ADGRF5: variants seen among roughly 807,000 people sequenced by gnomAD.
ADGRF5 encodes G-protein coupled receptor 116.
In ADGRF5, 75 loss-of-function variants were observed where a neutral mutation model predicts 132.3. The observed-to-expected ratio is 0.57, with a 90% CI of 0.47 to 0.69. The LOEUF (loss-of-function observed/expected upper bound fraction) is 0.69, where lower values mean the gene tolerates loss of function less well. Among genes scored for constraint, ADGRF5 ranks in the 30% least tolerant of loss-of-function variants. The pLI is 0.00. For missense variants in ADGRF5, 1,516 were observed against 1,630.6 expected (o/e 0.93, Z 1.21); for synonymous variants, 629 against 597.6 (o/e 1.05, Z -0.77).
At chr6:46,910,158 G>C (rs1775794636) in intron 1 of ADGRF5, among the ~76,000 whole-genome samples, 1 of 152,076 alleles carries the variant, frequency 6.6e-6, no homozygotes, top group Non-Finnish European at 1.5e-5. Context: ...AGGTGGCTAG[G>C]AGCTGAGTTC....
At chr6:46,858,093 A>G (rs747531796) in intron 17 of ADGRF5, 36 bp downstream of exon 17, 1 of 1,482,454 alleles carries the variant, frequency 6.7e-7, no homozygotes, top group Non-Finnish European at 9.2e-7. Flanking sequence ...CTACAGGAAT[A>G]AAATCTTCCT....
chr6:46,942,697 A>G lies in ADGRF5; in HGVS notation c.-25+12037T>C, dbSNP rs988638305. ...CCTGCACATAGGACACTTTTCATTC[A>G]TAGTCTCTCTATTTCTCTTTCATCC... On this transcript the variant is annotated intron_variant, in intron 1 of 20. Transcript: ENST00000265417. Among the ~76,000 whole-genome samples, 6 of 152,322 alleles carry G rather than the reference A, an allele frequency of 3.9e-5. No homozygotes were observed. The South Asian group carries it at 6.2e-4, about 16-fold the overall frequency.
intron 13 of ADGRF5, among the ~76,000 whole-genome samples, chr6:46,866,571 AT>A (rs1286869688): frequency 6.6e-6 from 1 of 151,942 alleles, no homozygotes; most frequent in East Asian, 1.9e-4. Flanking sequence ...TCAATTATGC[AT>A]TTAAAGGGAT....
chr6:46,898,174 C>CACGGGTCATA (rs1774379170), intron 3 of ADGRF5, among the ~76,000 whole-genome samples: 1 of 152,180 alleles, frequency 6.6e-6, no homozygotes, highest in Admixed American at 6.5e-5. Context: ...ACGTTGTCAC[C>CACGGGTCATA]ACGGGTCATA....
At chr6:46,929,157 C>T (rs894139599) in intron 1 of ADGRF5, among the ~76,000 whole-genome samples, 2 of 152,094 alleles carry the variant, frequency 1.3e-5, no homozygotes, top group African/African-American at 2.4e-5. Context: ...GAATACTATG[C>T]AGCCATAAAA....
intron 2 of ADGRF5, among the ~76,000 whole-genome samples, chr6:46,904,202 A>G (rs1247389083): frequency 2.0e-5 from 3 of 152,170 alleles, no homozygotes; most frequent in Non-Finnish European, 4.4e-5. Flanking sequence ...AGAAGCACTG[A>G]GCTACATCAT....
chr6:46,873,897 T>C (rs1228798954), intron 10 of ADGRF5, among the ~76,000 whole-genome samples: 1 of 152,236 alleles, frequency 6.6e-6, no homozygotes, highest in Non-Finnish European at 1.5e-5. Flanking sequence ...CTTTTACCCC[T>C]ACTCAGTTGT....
intron 20 of ADGRF5, among the ~76,000 whole-genome samples, chr6:46,854,357 C>T (rs186291752): frequency 8.4e-4 from 128 of 152,292 alleles, no homozygotes; most frequent in African/African-American, 2.9e-3. Flanking sequence ...GGTGGAAAGC[C>T]CTGCACATGC....
chr6:46,857,751 A>G (rs1769221542), intron 17 of ADGRF5, among the ~76,000 whole-genome samples: 1 of 147,918 alleles, frequency 6.8e-6, no homozygotes, highest in African/African-American at 2.5e-5. Flanking sequence ...TCTATCAGGC[A>G]TAGAGGTATA....
chr6:46,932,047 A>G (rs192975524), intron 1 of ADGRF5, among the ~76,000 whole-genome samples: 4 of 152,374 alleles, frequency 2.6e-5, no homozygotes, highest in Non-Finnish European at 4.4e-5. Flanking sequence ...ACAAAACAGA[A>G]TATATAAGAT....
chr6:46,858,769 C>T lies in ADGRF5; in HGVS notation c.3134G>A (p.Arg1045Gln), dbSNP rs1393190340. 15 of 1,613,572 alleles carry T rather than the reference C, an allele frequency of 9.3e-6. No homozygotes were observed. Among genetic ancestry groups the T allele is most frequent in the South Asian group, 6.6e-5 (6 of 91,050 alleles). ...AVVWKSVTKN[R>Q]TSYMRHTCIV... The stretch of plus-strand genomic sequence containing the variant: ...GCAGGTGTGGCGCATATAAGAAGTC[C>T]GGTTCTTGGTCACCGATTTCCACAC... Residue 1045 changes from arginine to glutamine, a missense_variant, in exon 17 of 21, where the codon CGG becomes CAG. Physicochemically the swap from Arg to Gln is conservative, Grantham distance 43. This residue lies in a region of ADGRF5 where 571 missense variants were observed against 701.2 expected (regional missense o/e 0.81). Transcript: ENST00000283296.
In ADGRF5 at chr6:46,902,297, A is replaced by G. The variant is rs555222239; in HGVS notation, c.103-2214T>C. Among the ~76,000 whole-genome samples the G allele has an allele frequency of 3.3e-5, 5 of 152,188 alleles. No homozygotes were observed. The South Asian group carries it at 1.0e-3, about 32-fold the overall frequency. ...GCCACTGGGAGCTTTCTCTGTCCAC[A>G]CTTCAAGGCAACAGTTAGGGGACTC... On this transcript the variant is annotated intron_variant, in intron 2 of 20. Transcript: ENST00000283296.
chr6:46,871,945 G>T lies in ADGRF5; in HGVS notation c.1309C>A (p.Pro437Thr). 6.2e-7 allele frequency: 1 copy of T among 1,612,476 alleles called. No individual in the cohort carries two copies. Among genetic ancestry groups the T allele is most frequent in the Non-Finnish European group, 8.5e-7 (1 of 1,178,988 alleles). Residue 437 changes from proline to threonine, a missense_variant, in exon 11 of 21, where the codon CCA becomes ACA. This residue lies in a region of ADGRF5 where 945 missense variants were observed against 929.4 expected (regional missense o/e 1.02). Transcript: ENST00000283296. ...YTLKADGTQC[P>T]SGSSGTTVIY... Reference sequence around the variant, plus strand: ...ACTGTTGTTCCAGACGACCCGCTTGGGCACTGGGTTCCATCAGCCTTGAGG... The same window carrying T: ...ACTGTTGTTCCAGACGACCCGCTTGTGCACTGGGTTCCATCAGCCTTGAGG...
chr6:46,929,381 T>C (rs1329427279), intron 1 of ADGRF5, among the ~76,000 whole-genome samples: 2 of 151,916 alleles, frequency 1.3e-5, no homozygotes, highest in Non-Finnish European at 2.9e-5. Flanking sequence ...TTAGGAGATA[T>C]ACCTAATGCT....
chr6:46,953,292 A>G (rs550407534), intron 1 of ADGRF5, among the ~76,000 whole-genome samples: 3 of 152,224 alleles, frequency 2.0e-5, no homozygotes, highest in South Asian at 2.1e-4. Context: ...ACTACACTTT[A>G]GGTAGCAAGG....
At chr6:46,907,683 T>G (rs1220771327) in intron 1 of ADGRF5, among the ~76,000 whole-genome samples, 3 of 152,132 alleles carry the variant, frequency 2.0e-5, no homozygotes, top group Admixed American at 2.0e-4. Flanking sequence ...CTCCTCTCCT[T>G]GTAGCTTTTC....
At chr6:46,945,553 T>C (rs1320657280) in intron 1 of ADGRF5, among the ~76,000 whole-genome samples, 3 of 152,214 alleles carry the variant, frequency 2.0e-5, no homozygotes, top group Non-Finnish European at 4.4e-5. Context: ...GAACAATTAC[T>C]GAGATTTCAA....
At chr6:46,894,524 C>T (rs887230327) in intron 3 of ADGRF5, among the ~76,000 whole-genome samples, 2 of 152,134 alleles carry the variant, frequency 1.3e-5, no homozygotes, top group African/African-American at 4.8e-5. Flanking sequence ...GGCAGATATA[C>T]CAGTCTTCCT....
rs771474230 is a variant in ADGRF5 at position 46,858,886 on chromosome 6, G to A, written c.3017C>T (p.Ser1006Phe). The stretch of plus-strand genomic sequence containing the variant: ...AATATCCAGGAGTATTCCCAGGAGA[G>A]AACTAGGATCTGGGGAGTCAGGGGA... ...LMSPDSPDPS[S>F]LLGILLDIIS... The change falls in exon 17 of 21, where the codon TCT (serine) becomes TTT (phenylalanine). Residue 1006 changes from serine to phenylalanine, a missense_variant. Physicochemically the swap from Ser to Phe is radical, Grantham distance 155 (BLOSUM62 -2). Transcript: ENST00000283296. 6.2e-7 allele frequency: 1 copy of A among 1,614,056 alleles called. No homozygotes were observed. The highest frequency in any genetic ancestry group is 8.5e-7 in the Non-Finnish European group (1 of 1,179,946).
Sources: gnomAD v4.1 joint callset for allele counts (sites outside exome capture counted in the v4.1 genomes callset) on GRCh38, gnomAD v4.1.1 for gene constraint, gnomAD v4.1.1 regional missense constraint, MANE v1.5 for transcripts, NCBI Gene and HGNC (gene_info 2026-07-23, HGNC 2026-07-21) for gene names.